The following KCNJ3 variants were observed in gnomAD, a reference collection of about 807,000 sequenced individuals.
KCNJ3 encodes G protein-activated inward rectifier potassium channel 1.
In KCNJ3, 4 loss-of-function variants were observed where a neutral mutation model predicts 39.2. That is an observed-to-expected ratio of 0.10 (90% confidence interval 0.05 to 0.23). The LOEUF is 0.23. KCNJ3 is among the 10% of genes least tolerant of loss of function. The pLI is 1.00. For synonymous variants in KCNJ3, 230 were observed against 237.4 expected, an observed-to-expected ratio of 0.97 and a Z score of 0.29; for missense variants, 276 against 634.9, an observed-to-expected ratio of 0.43 and a Z score of 6.08.
At chr2:154,739,049 A>G (rs764030151) in intron 2 of KCNJ3, among the ~76,000 whole-genome samples, 8 of 152,212 alleles carry the variant, frequency 5.3e-5, no homozygotes, top group Non-Finnish European at 1.2e-4. Flanking sequence ...ATCATAAATT[A>G]TATAATTAAG....
intron 2 of KCNJ3, among the ~76,000 whole-genome samples, chr2:154,767,331 C>T (rs1686151912): frequency 6.6e-6 from 1 of 151,974 alleles, no homozygotes; most frequent in African/African-American, 2.4e-5. Flanking sequence ...GCCATCCCTC[C>T]CCACTCCCCC....
At chr2:154,784,446 G>A (rs982376232) in intron 2 of KCNJ3, among the ~76,000 whole-genome samples, 2 of 152,142 alleles carry the variant, frequency 1.3e-5, no homozygotes, top group Non-Finnish European at 2.9e-5. Flanking sequence ...GGTGCAACTC[G>A]GCTCACTGCA....
intron 2 of KCNJ3, among the ~76,000 whole-genome samples, chr2:154,821,719 G>A (rs1257988698): frequency 1.6e-5 from 2 of 128,286 alleles, no homozygotes; most frequent in African/African-American, 2.9e-5. Flanking sequence ...TCCGCTCACC[G>A]CAACTTTGCC....
At chr2:154,791,481 A>G (rs955392319) in intron 2 of KCNJ3, among the ~76,000 whole-genome samples, 1 of 152,068 alleles carries the variant, frequency 6.6e-6, no homozygotes, top group Non-Finnish European at 1.5e-5. Context: ...AAGAGAGGTT[A>G]TAAAACTTGT....
At chr2:154,849,135 T>C (rs1687713476) in intron 2 of KCNJ3, among the ~76,000 whole-genome samples, 1 of 152,182 alleles carries the variant, frequency 6.6e-6, no homozygotes, top group Non-Finnish European at 1.5e-5. Flanking sequence ...TGCTACTATC[T>C]TGTATCCCTC....
intron 2 of KCNJ3, among the ~76,000 whole-genome samples, chr2:154,729,562 A>G (rs940788340): frequency 6.6e-6 from 1 of 152,134 alleles, no homozygotes; most frequent in Non-Finnish European, 1.5e-5. Flanking sequence ...TTCTTGTTAA[A>G]TAGCATTTTT....
In KCNJ3 at chr2:154,856,377, A is replaced by G. The variant is rs1313192796; in HGVS notation, c.*1064A>G. 6.6e-6 allele frequency: 1 copy of G among 152,580 alleles called. No individual in the cohort carries two copies. Among genetic ancestry groups the G allele is most frequent in the Non-Finnish European group, 1.5e-5 (1 of 67,994 alleles). 9.5% of individuals were successfully genotyped at this position (152,580 alleles called of 1,614,324 possible). A position where few individuals can be genotyped will look rare whatever the true frequency, so the allele number is the denominator to read the frequency against. ...AAACATTTTCTTTCTTTTTCTGGAA[A>G]TTTTGTCCATTTTAAAAACCAATCA... On this transcript the variant is annotated 3_prime_UTR_variant, in exon 3 of 3. Coordinates refer to ENST00000295101, the MANE Select transcript of KCNJ3 (RefSeq NM_002239.4).
chr2:154,749,914 A>C (rs766099899), intron 2 of KCNJ3, among the ~76,000 whole-genome samples: 15 of 151,858 alleles, frequency 9.9e-5, no homozygotes, highest in Non-Finnish European at 2.1e-4. Flanking sequence ...ATTCATAACA[A>C]TCTCCCTATC....
chr2:154,832,016 A>G (rs1006308256), intron 2 of KCNJ3, among the ~76,000 whole-genome samples: 1 of 152,108 alleles, frequency 6.6e-6, no homozygotes, highest in Non-Finnish European at 1.5e-5. Context: ...CAAAGGAAGC[A>G]AGAGAGAGAG....
At chr2:154,844,732 G>A (rs539307489) in intron 2 of KCNJ3, among the ~76,000 whole-genome samples, 3 of 152,296 alleles carry the variant, frequency 2.0e-5, no homozygotes, top group African/African-American at 7.2e-5. Context: ...GCAAGGCTCC[G>A]TGGGTGTGGA....
At chr2:154,842,547 G>T (rs181823964) in intron 2 of KCNJ3, among the ~76,000 whole-genome samples, 2 of 152,266 alleles carry the variant, frequency 1.3e-5, no homozygotes, top group African/African-American at 4.8e-5. Flanking sequence ...GGGTGTTAAA[G>T]TCTCCCATTA....
At chr2:154,736,398 AAAAAAAAAAAAAAAAAC>A (rs1685531199) in intron 2 of KCNJ3, among the ~76,000 whole-genome samples, 1 of 54,930 alleles carries the variant, frequency 1.8e-5, no homozygotes, top group East Asian at 3.7e-4. Context: ...AAAAAAAAAA[AAAAAAAAAAAAAAAAAC>A]CTAAACAAAA....
At chr2:154,789,783 A>T (rs557360322) in intron 2 of KCNJ3, among the ~76,000 whole-genome samples, 2 of 152,208 alleles carry the variant, frequency 1.3e-5, no homozygotes, top group South Asian at 2.1e-4. Context: ...ATACTTGCCT[A>T]GGAAAGGCTT....
chr2:154,748,987 C>T (rs1176032752), intron 2 of KCNJ3, among the ~76,000 whole-genome samples: 2 of 152,088 alleles, frequency 1.3e-5, no homozygotes, highest in African/African-American at 4.8e-5. Flanking sequence ...GGAGAACTAC[C>T]AATATTTTTA....
At chr2:154,854,109 A>AC (rs1294458636) in intron 2 of KCNJ3, among the ~76,000 whole-genome samples, 8 of 152,020 alleles carry the variant, frequency 5.3e-5, no homozygotes, top group Non-Finnish European at 8.8e-5. Flanking sequence ...TTGTCCTCCC[A>AC]CCCCCCATAG....
chr2:154,794,418 C>A (rs139092667), intron 2 of KCNJ3, among the ~76,000 whole-genome samples: 1 of 152,032 alleles, frequency 6.6e-6, no homozygotes, highest in African/African-American at 2.4e-5. Flanking sequence ...AGTGTTATTT[C>A]AAAACGTTTG....
intron 2 of KCNJ3, among the ~76,000 whole-genome samples, chr2:154,822,601 C>CTAA (rs1687203170): frequency 6.6e-6 from 1 of 152,042 alleles, no homozygotes; most frequent in East Asian, 1.9e-4. Flanking sequence ...TTTTGCTGTG[C>CTAA]TAATGAATAC....
In KCNJ3 at chr2:154,851,113, G is replaced by A. The variant is rs537958905; in HGVS notation, c.920-3614G>A. 1.1e-3 allele frequency among the ~76,000 whole-genome samples: 164 copies of A among 151,866 alleles called. 1 individual carries two copies. The highest frequency in any genetic ancestry group is 3.7e-3 in the African/African-American group (154 of 41,424). On this transcript the variant is annotated intron_variant, in intron 2 of 2. Transcript: ENST00000295101. ...GAAAATTAGCCAGACTTGGTGGCTC[G>A]TACCTGTCATACCAGCTACTTGGGA...
chr2:154,841,842 T>C (rs2652464), intron 2 of KCNJ3, among the ~76,000 whole-genome samples: 108,469 of 151,934 alleles, frequency 0.71, 40,185 homozygotes, highest in East Asian at 0.94. Context: ...CTTTATTAGT[T>C]TTTCTAGCTG....
Sources: gnomAD v4.1 joint callset for allele counts (sites outside exome capture counted in the v4.1 genomes callset) on GRCh38, gnomAD v4.1.1 for gene constraint, MANE v1.5 for transcripts, NCBI Gene and HGNC (gene_info 2026-07-23, HGNC 2026-07-21) for gene names.